PCDHGA4: variants seen among roughly 807,000 people sequenced by gnomAD.
The protein encoded by PCDHGA4 is protocadherin gamma-A4.
Under a neutral mutation model 54.6 loss-of-function variants are expected in PCDHGA4, and 38 were observed. The observed-to-expected ratio is 0.70, with a 90% CI of 0.54 to 0.91. The LOEUF (loss-of-function observed/expected upper bound fraction) is 0.91. PCDHGA4 is among the 40% of genes least tolerant of loss of function. PCDHGA4 has a pLI of 0.00. For missense variants in PCDHGA4, 1,298 were observed against 1,220.9 expected, an observed-to-expected ratio of 1.06 and a Z score of -0.94; for synonymous variants, 511 against 512.9, an observed-to-expected ratio of 1.00 and a Z score of 0.05.
intron 1 of PCDHGA4, chr5:141,426,581 C>A: frequency 2.8e-6 from 1 of 358,468 alleles, no homozygotes. Context: ...TCTTCAAAAT[C>A]CTCTGTGTCA....
intron 1 of PCDHGA4, chr5:141,413,387 T>A (rs902208287): frequency 1.2e-6 from 2 of 1,613,908 alleles, no homozygotes; most frequent in Non-Finnish European, 1.7e-6. Context: ...GTCCGCATAG[T>A]CTCCAGAGGT....
chr5:141,508,737 C>T (rs919094477), intron 3 of PCDHGA4, among the ~76,000 whole-genome samples: 1 of 152,010 alleles, frequency 6.6e-6, no homozygotes, highest in Non-Finnish European at 1.5e-5. Flanking sequence ...CTACACCCCC[C>T]ACCCCGCTCT....
chr5:141,357,346 C>G lies in PCDHGA4; in HGVS notation c.2239C>G (p.Leu747Val), dbSNP rs1200320235. Residue 747 changes from leucine to valine, a missense_variant, in exon 1 of 4, where the codon CTG becomes GTG. Coordinates refer to ENST00000571252, the MANE Select transcript of PCDHGA4 (RefSeq NM_018917.4). ...AFVTVLLALKLRRWHKSRLLH... is the reference protein window; with the variant it reads ...AFVTVLLALKVRRWHKSRLLH... ...TGTCACGGTGCTGCTAGCACTCAAGCTGAGACGCTGGCACAAGTCACGCCT... is the reference window on the plus strand; with the variant it reads ...TGTCACGGTGCTGCTAGCACTCAAGGTGAGACGCTGGCACAAGTCACGCCT... The G allele has an allele frequency of 1.9e-6, 3 of 1,614,002 alleles. No individual in the cohort carries two copies. Among genetic ancestry groups the G allele is most frequent in the Non-Finnish European group, 2.5e-6 (3 of 1,179,964 alleles).
At chr5:141,498,222 T>A (rs1258826914) in intron 2 of PCDHGA4, among the ~76,000 whole-genome samples, 1 of 152,218 alleles carries the variant, frequency 6.6e-6, no homozygotes, top group East Asian at 1.9e-4. Flanking sequence ...GCATTCCAGA[T>A]GGTCAGGCAT....
chr5:141,502,087 C>T (rs1289663374), intron 2 of PCDHGA4, among the ~76,000 whole-genome samples: 1 of 152,180 alleles, frequency 6.6e-6, no homozygotes, highest in Admixed American at 6.5e-5. Context: ...GGGCTGAGAA[C>T]ACCTGGCCTT....
chr5:141,422,699 C>G (rs765368737), intron 1 of PCDHGA4: 2 of 1,603,420 alleles, frequency 1.2e-6, no homozygotes, highest in South Asian at 1.1e-5. Context: ...GTCACTTACT[C>G]TCTGACGGAT....
At chr5:141,360,171 G>A (rs749092806) in intron 1 of PCDHGA4, 13 of 1,608,392 alleles carry the variant, frequency 8.1e-6, no homozygotes, top group African/African-American at 1.3e-5. Flanking sequence ...GGCTGGTGCG[G>A]TGGCTGCAGG....
intron 1 of PCDHGA4, among the ~76,000 whole-genome samples, chr5:141,401,573 G>A (rs372919699): frequency 4.6e-5 from 7 of 152,128 alleles, no homozygotes; most frequent in East Asian, 3.9e-4. Context: ...TCTCTTGCTC[G>A]GAATCCTGAC....
intron 2 of PCDHGA4, among the ~76,000 whole-genome samples, chr5:141,504,926 TGGTG>T (rs1312481961): frequency 1.3e-5 from 2 of 151,946 alleles, no homozygotes; most frequent in Non-Finnish European, 2.9e-5. Context: ...GGCTCTCTCA[TGGTG>T]GGTGGGGGAA....
At chr5:141,413,357 G>A (rs2095629700) in intron 1 of PCDHGA4, 2 of 1,613,874 alleles carry the variant, frequency 1.2e-6, no homozygotes, top group South Asian at 1.1e-5. Flanking sequence ...CTGGCGCCCC[G>A]GGAGCTGGCG....
intron 1 of PCDHGA4, chr5:141,423,090 G>GT (rs2096707772): frequency 2.5e-6 from 4 of 1,613,904 alleles, no homozygotes; most frequent in African/African-American, 2.7e-5. Flanking sequence ...TCGCGGTGGG[G>GT]GAGCACACGG....
intron 1 of PCDHGA4, chr5:141,433,227 T>C (rs1178649427): frequency 6.5e-6 from 10 of 1,528,034 alleles, no homozygotes; most frequent in Non-Finnish European, 8.9e-6. Context: ...TTTTAATTGC[T>C]CTGTCTCCCA....
Position 141,384,336 on chromosome 5 carries a change from C to T in PCDHGA4, c.2514+26715C>T, listed in dbSNP as rs1779973302. On this transcript the variant is annotated intron_variant, in intron 1 of 3. Transcript: ENST00000571252. ...TTTTCTTAGTGACTGCACAGGACCA[C>T]GACAGTGAGGATAATGCCCAGATCA... 9 of 1,613,748 alleles carry T rather than the reference C, an allele frequency of 5.6e-6. No homozygotes were observed. The East Asian group carries it at 1.1e-4, about 20-fold the overall frequency.
chr5:141,357,073 G>C lies in PCDHGA4; in HGVS notation c.1966G>C (p.Glu656Gln). ...GLFAVGLHTG[E>Q]VRTARALLDR... ...ATTTGCAGTGGGGCTGCACACAGGC[G>C]AGGTGCGCACCGCACGGGCCCTGCT... Residue 656 changes from glutamate (E) to glutamine (Q), a missense_variant, in exon 1 of 4, where the codon GAG (glutamate) becomes CAG (glutamine). Coordinates refer to ENST00000571252, the MANE Select transcript of PCDHGA4 (RefSeq NM_018917.4). The C allele has an allele frequency of 6.2e-7, 1 of 1,613,956 alleles. No homozygotes were observed. The highest frequency in any genetic ancestry group is 1.1e-5 in the South Asian group (1 of 91,082).
chr5:141,428,658 T>C (rs932328483), intron 1 of PCDHGA4: 1 of 165,620 alleles, frequency 6.0e-6, no homozygotes, highest in Non-Finnish European at 1.3e-5. Context: ...TGAGTTCCAA[T>C]GAATGTCTTT....
intron 2 of PCDHGA4, among the ~76,000 whole-genome samples, chr5:141,495,128 G>T (rs1408872159): frequency 2.6e-5 from 4 of 152,160 alleles, no homozygotes; most frequent in African/African-American, 9.7e-5. Flanking sequence ...TCCCCTGAGG[G>T]CACTGTGGAA....
At chr5:141,388,735 C>T (rs758511912) in intron 1 of PCDHGA4, 9 of 1,613,974 alleles carry the variant, frequency 5.6e-6, no homozygotes, top group Non-Finnish European at 7.6e-6. Context: ...TTCAGTGAAG[C>T]TAGCCAGATC....
intron 1 of PCDHGA4, chr5:141,384,047 C>T (rs775378618): frequency 4.3e-6 from 7 of 1,612,190 alleles, no homozygotes; most frequent in African/African-American, 1.3e-5. Flanking sequence ...GGTGAGGTGA[C>T]CTGCACCATT....
intron 1 of PCDHGA4, among the ~76,000 whole-genome samples, chr5:141,465,904 C>T (rs1364574558): frequency 2.0e-5 from 3 of 152,046 alleles, no homozygotes; most frequent in Admixed American, 6.5e-5. Context: ...GGGCAAATCA[C>T]GAGGTCAGGA....
Sources: allele counts gnomAD v4.1 joint callset (sites outside exome capture counted in the v4.1 genomes callset), GRCh38; gene constraint gnomAD v4.1.1; transcripts MANE v1.5; gene names NCBI Gene and HGNC (gene_info 2026-07-23, HGNC 2026-07-21).